The following DPYSL5 variants were observed in gnomAD, a reference collection of about 807,000 sequenced individuals.
DPYSL5 encodes the protein dihydropyrimidinase like 5.
A neutral mutation model predicts 58.4 loss-of-function variants in DPYSL5; 9 were observed. The ratio of observed to expected loss-of-function variants is 0.15; its 90% CI spans 0.09 to 0.27. The LOEUF (loss-of-function observed/expected upper bound fraction) is 0.27. DPYSL5 is among the 10% of genes least tolerant of loss of function. The pLI, the probability that DPYSL5 is intolerant of heterozygous loss-of-function variation, is 1.00. For missense variants in DPYSL5, 499 were observed against 770.6 expected, an observed-to-expected ratio of 0.65 and a Z score of 4.17; for synonymous variants, 293 against 301.9, an observed-to-expected ratio of 0.97 and a Z score of 0.31.
chr2:26,860,743 T>C (rs1665990641), intron 1 of DPYSL5, among the ~76,000 whole-genome samples: 1 of 152,232 alleles, frequency 6.6e-6, no homozygotes, highest in South Asian at 2.1e-4. Context: ...GAACAATCTC[T>C]AATATATATC....
intron 2 of DPYSL5, among the ~76,000 whole-genome samples, chr2:26,911,305 T>C (rs1664433956): frequency 6.6e-6 from 1 of 152,220 alleles, no homozygotes; most frequent in African/African-American, 2.4e-5. Flanking sequence ...CTTCCAACTC[T>C]GTTCTTTTTC....
intron 2 of DPYSL5, among the ~76,000 whole-genome samples, chr2:26,918,009 C>A (rs1451695659): frequency 6.6e-6 from 1 of 151,994 alleles, no homozygotes; most frequent in Admixed American, 6.5e-5. Flanking sequence ...TGATGGCACA[C>A]GCCTGTAGTT....
At chr2:26,946,149 C>T (rs1392772215) in intron 12 of DPYSL5, among the ~76,000 whole-genome samples, 1 of 152,220 alleles carries the variant, frequency 6.6e-6, no homozygotes, top group Non-Finnish European at 1.5e-5. Flanking sequence ...GGACTCCCAC[C>T]GCCTTCCTCC....
rs67138052 is a variant in DPYSL5 at position 26,948,073 on chromosome 2, C to CCACACACACACACA, written c.*1102_*1115dup. 6 of 143,548 alleles carry CCACACACACACACA rather than the reference C, an allele frequency of 4.2e-5. No individual in the cohort carries two copies. The highest frequency in any genetic ancestry group is 1.6e-4 in the African/African-American group (6 of 37,270). 8.9% of individuals were successfully genotyped at this position (143,548 alleles called of 1,614,324 possible). ...TGCCTTCCCCTGTCTTCACCTGCCA[C>CCACACACACACACA]CACACACACACACACACACACACAC... is the stretch of plus-strand genomic sequence containing the variant. On this transcript the variant is annotated 3_prime_UTR_variant, in exon 13 of 13. Transcript: ENST00000288699.
chr2:26,895,768 TC>T (rs1240069745), intron 1 of DPYSL5, among the ~76,000 whole-genome samples: 2 of 148,980 alleles, frequency 1.3e-5, no homozygotes, highest in African/African-American at 5.0e-5. Flanking sequence ...GTTCTCTATT[TC>T]TTTTTCTTTT....
intron 1 of DPYSL5, among the ~76,000 whole-genome samples, chr2:26,878,315 C>T (rs1663464452): frequency 6.6e-6 from 1 of 152,076 alleles, no homozygotes; most frequent in Admixed American, 6.5e-5. Flanking sequence ...GTTACCTATT[C>T]TTATCCTTTG....
At chr2:26,937,157 G>A (rs563886223) in intron 8 of DPYSL5, among the ~76,000 whole-genome samples, 136 of 151,908 alleles carry the variant, frequency 9.0e-4, no homozygotes, top group African/African-American at 2.9e-3. Flanking sequence ...AAATTACAGC[G>A]CCCAAACCCA....
intron 9 of DPYSL5, 125 bp downstream of exon 9, chr2:26,940,297 T>G: frequency 8.3e-7 from 1 of 1,200,602 alleles, no homozygotes; most frequent in South Asian, 2.0e-5. Flanking sequence ...GAAGGGCTGG[T>G]TCAATCCCAG....
Position 26,892,858 on chromosome 2 carries a change from A to G in DPYSL5, c.-4-5638A>G, listed in dbSNP as rs529009342. On this transcript the variant is annotated intron_variant, in intron 1 of 12. Transcript: ENST00000288699. ...GCTCTATCCACCACCTAAGAACCAA[A>G]GCCATTTTCTTATTATTGCATATGA... Among the ~76,000 whole-genome samples the G allele has an allele frequency of 2.5e-4, 38 of 151,826 alleles. No individual in the cohort carries two copies. In the South Asian group the frequency reaches 3.7e-3, roughly 15 times the overall value.
intron 1 of DPYSL5, 54 bp downstream of exon 1, chr2:26,848,308 T>A (rs1295031846): frequency 6.6e-6 from 1 of 151,658 alleles, no homozygotes; most frequent in Non-Finnish European, 1.5e-5. Context: ...TAGGACATCC[T>A]CCTCTCCCCC....
At chr2:26,907,633 G>T (rs1379501270) in intron 2 of DPYSL5, among the ~76,000 whole-genome samples, 1 of 152,010 alleles carries the variant, frequency 6.6e-6, no homozygotes, top group Non-Finnish European at 1.5e-5. Context: ...TCAGGAAGAT[G>T]CCCTCCATGG....
intron 2 of DPYSL5, among the ~76,000 whole-genome samples, chr2:26,908,399 C>G (rs1218915447): frequency 6.6e-6 from 1 of 152,228 alleles, no homozygotes; most frequent in African/African-American, 2.4e-5. Context: ...CTGCAGGCAT[C>G]AGGAGCTATT....
chr2:26,896,379 T>G (rs72804818), intron 1 of DPYSL5, among the ~76,000 whole-genome samples: 1,946 of 152,326 alleles, frequency 0.013, 22 homozygotes, highest in South Asian at 0.031. Context: ...ACATCTGATT[T>G]CATTTCCCTT....
chr2:26,886,142 G>T (rs1308588516), intron 1 of DPYSL5, among the ~76,000 whole-genome samples: 1 of 152,226 alleles, frequency 6.6e-6, no homozygotes, highest in Non-Finnish European at 1.5e-5. Flanking sequence ...AGAGAACTGG[G>T]GGTTGTGAAA....
Position 26,944,451 on chromosome 2 carries a change from C to A in DPYSL5, c.1441-205C>A, listed in dbSNP as rs528952633. On this transcript the variant is annotated intron_variant, in intron 11 of 12. Coordinates refer to ENST00000288699, the MANE Select transcript of DPYSL5 (RefSeq NM_020134.4). The surrounding 1 kb of genome is among the most constrained non-coding windows in gnomAD (Gnocchi z 4.4). Reference sequence around the variant, plus strand: ...ACATGCACGCATGCACACATGTACACATATGCACATGCTCTTTAGGAGGTA... The same window carrying A: ...ACATGCACGCATGCACACATGTACAAATATGCACATGCTCTTTAGGAGGTA... Among the ~76,000 whole-genome samples the A allele has an allele frequency of 6.6e-6, 1 of 152,282 alleles. No homozygotes were observed. The highest frequency in any genetic ancestry group is 1.9e-4 in the East Asian group (1 of 5,178).
chr2:26,888,867 A>G (rs574823056), intron 1 of DPYSL5, among the ~76,000 whole-genome samples: 1 of 152,202 alleles, frequency 6.6e-6, no homozygotes, highest in East Asian at 1.9e-4. Context: ...AACAACAGAA[A>G]TTTATTCCTC....
chr2:26,875,669 T>G (rs1254023650), intron 1 of DPYSL5, among the ~76,000 whole-genome samples: 1 of 152,160 alleles, frequency 6.6e-6, no homozygotes, highest in Non-Finnish European at 1.5e-5. Flanking sequence ...ACCTGCCTTC[T>G]GGGTTTGGTT....
Position 26,888,674 on chromosome 2 carries a change from T to TA in DPYSL5, c.-4-9818dup, listed in dbSNP as rs551136556. ...TTTTGAATTCTGTTGTTTGCATAGA[T>TA]AAAATAACTGGATGATCAAAGTTTT... On this transcript the variant is annotated intron_variant, in intron 1 of 12. Coordinates refer to ENST00000288699, the MANE Select transcript of DPYSL5 (RefSeq NM_020134.4). 5.9e-3 allele frequency among the ~76,000 whole-genome samples: 901 copies of TA among 152,334 alleles called. 5 individuals carry two copies. Among genetic ancestry groups the TA allele is most frequent in the Non-Finnish European group, 9.6e-3 (654 of 68,028 alleles).
chr2:26,932,208 A>AAAGAAAGAAAG lies in DPYSL5; in HGVS notation c.714+526_714+527insGAAAGAAAGAA, dbSNP rs1178078504. ...GAAAGAAAGAAAGAAAGAAAGAAAG[A>AAAGAAAGAAAG]AAAGAAAGAAAGAAAGAAAGAAAGA... On this transcript the variant is annotated intron_variant, in intron 6 of 12. Coordinates refer to ENST00000288699, the MANE Select transcript of DPYSL5 (RefSeq NM_020134.4). Among the ~76,000 whole-genome samples, 21 of 70,216 alleles carry AAAGAAAGAAAG rather than the reference A, an allele frequency of 3.0e-4. 1 individual carries two copies. Among genetic ancestry groups the AAAGAAAGAAAG allele is most frequent in the African/African-American group, 1.1e-3 (20 of 17,472 alleles). 46.1% of individuals were successfully genotyped at this position (70,216 alleles called of 152,430 possible). A position where few individuals can be genotyped will look rare whatever the true frequency, so the allele number is the denominator to read the frequency against.
Sources: allele counts gnomAD v4.1 joint callset (sites outside exome capture counted in the v4.1 genomes callset), GRCh38; gene constraint gnomAD v4.1.1; non-coding constraint Gnocchi (gnomAD v3.1); transcripts MANE v1.5; gene names NCBI Gene and HGNC (gene_info 2026-07-23, HGNC 2026-07-21).